RBPJ: variants seen among roughly 807,000 people sequenced by gnomAD.
RBPJ encodes recombination signal binding protein for immunoglobulin kappa J region, also known as recombining binding protein suppressor of hairless.
RBPJ carries 9 observed loss-of-function variants against 67.8 expected under a neutral mutation model. The ratio of observed to expected loss-of-function variants is 0.13; its 90% CI spans 0.08 to 0.23. RBPJ has a LOEUF of 0.23. RBPJ is among the 10% of genes least tolerant of loss of function. RBPJ has a pLI of 1.00. For synonymous variants in RBPJ, 198 were observed against 203.3 expected (o/e 0.97, Z 0.22); for missense variants, 305 against 595.6 (o/e 0.51, Z 5.08).
At chr4:26,144,298 T>C in the RBPJ span, among the ~76,000 whole-genome samples, 1 of 116,492 alleles carries the variant, frequency 8.6e-6, no homozygotes, top group Non-Finnish European at 1.6e-5. Flanking sequence ...TGAGACACAG[T>C]CTCACTCTGT....
At chr4:26,414,309 A>G (rs1194624699) in intron 3 of RBPJ, among the ~76,000 whole-genome samples, 2 of 152,052 alleles carry the variant, frequency 1.3e-5, no homozygotes, top group African/African-American at 4.8e-5. Flanking sequence ...AGCTGGGACT[A>G]TAGGCGCCTG....
chr4:26,295,875 AC>A (rs1721859239), intron 1 of RBPJ, among the ~76,000 whole-genome samples: 2 of 152,132 alleles, frequency 1.3e-5, no homozygotes, highest in Admixed American at 1.3e-4. Context: ...GCTGTAGTTA[AC>A]CCCTGGGGTG....
chr4:26,341,993 G>C (rs546840843), intron 1 of RBPJ, among the ~76,000 whole-genome samples: 1 of 152,318 alleles, frequency 6.6e-6, no homozygotes, highest in East Asian at 1.9e-4. Context: ...GCCCAAAGCA[G>C]AGTTCTCACA....
chr4:26,108,661 C>G, the RBPJ span, among the ~76,000 whole-genome samples: 5 of 152,202 alleles, frequency 3.3e-5, no homozygotes, highest in Non-Finnish European at 7.4e-5. Flanking sequence ...ATGCATAGAA[C>G]AGTGACTTAA....
chr4:26,204,967 A>G (rs1361475202), intron 1 of RBPJ, among the ~76,000 whole-genome samples: 2 of 152,174 alleles, frequency 1.3e-5, no homozygotes, highest in African/African-American at 4.8e-5. Flanking sequence ...GCAAGTGTGG[A>G]GTTGGCCACC....
chr4:26,341,412 C>T (rs1217966098), intron 1 of RBPJ, among the ~76,000 whole-genome samples: 2 of 152,050 alleles, frequency 1.3e-5, no homozygotes, highest in Non-Finnish European at 2.9e-5. Context: ...GTCAGGAGTT[C>T]GAGACCAGCC....
chr4:26,405,102 T>C (rs973953602), intron 2 of RBPJ, among the ~76,000 whole-genome samples: 2 of 152,220 alleles, frequency 1.3e-5, no homozygotes, highest in Non-Finnish European at 2.9e-5. Context: ...TAAATGCTGT[T>C]ATTAGGTTAT....
chr4:26,112,060 G>A, the RBPJ span: 1 of 153,384 alleles, frequency 6.5e-6, no homozygotes, highest in East Asian at 1.9e-4. Flanking sequence ...AGGGGCTCCG[G>A]AATATTAGAG....
intron 1 of RBPJ, among the ~76,000 whole-genome samples, chr4:26,202,966 GAAAT>G (rs1214439589): frequency 2.9e-5 from 2 of 68,826 alleles, no homozygotes; most frequent in African/African-American, 1.0e-4. Flanking sequence ...AGGAAGGAAG[GAAAT>G]AAGGAAGGAA....
chr4:26,178,414 T>G (rs1293388440), intron 1 of RBPJ, among the ~76,000 whole-genome samples: 1 of 152,086 alleles, frequency 6.6e-6, no homozygotes, highest in Admixed American at 6.6e-5. Context: ...GGTGAATTGC[T>G]TGAAGCCAGT....
At chr4:26,320,872 C>A, upstream of RBPJ, 2 of 1,576,612 alleles carry the variant, frequency 1.3e-6, no homozygotes, top group South Asian at 1.2e-5. Flanking sequence ...CGGCGCGAGG[C>A]GTCTGGCTCT....
At chr4:26,150,696 G>A in the RBPJ span, among the ~76,000 whole-genome samples, 1 of 152,142 alleles carries the variant, frequency 6.6e-6, no homozygotes, top group Admixed American at 6.5e-5. Context: ...ACATGATTAA[G>A]TCCATAGGGT....
intron 1 of RBPJ, among the ~76,000 whole-genome samples, chr4:26,214,740 G>GGGA (rs1157160923): frequency 1.5e-5 from 1 of 68,546 alleles, no homozygotes; most frequent in Non-Finnish European, 2.7e-5. Context: ...AGAGGGAAGA[G>GGGA]AGAGAGAAAG....
chr4:26,320,877 G>T, upstream of RBPJ: 4 of 1,580,174 alleles, frequency 2.5e-6, no homozygotes, highest in Non-Finnish European at 3.4e-6. Context: ...CGAGGCGTCT[G>T]GCTCTTCGCG....
intron 2 of RBPJ, among the ~76,000 whole-genome samples, chr4:26,387,222 T>C (rs1209227633): frequency 6.6e-6 from 1 of 152,136 alleles, no homozygotes; most frequent in Non-Finnish European, 1.5e-5. Context: ...TGCTATTATT[T>C]TAAAAAGCTG....
intron 1 of RBPJ, among the ~76,000 whole-genome samples, chr4:26,193,363 C>G (rs1717637315): frequency 6.6e-6 from 1 of 152,154 alleles, no homozygotes; most frequent in African/African-American, 2.4e-5. Flanking sequence ...GAAGGTGCCT[C>G]TTGTCTCAGT....
chr4:26,329,978 G>C (rs1724065617), intron 1 of RBPJ, among the ~76,000 whole-genome samples: 2 of 152,106 alleles, frequency 1.3e-5, no homozygotes. Flanking sequence ...CTTTTCTGAA[G>C]TGTGGAATTT....
At chr4:26,373,089 A>T (rs1020271138) in intron 1 of RBPJ, among the ~76,000 whole-genome samples, 2 of 152,248 alleles carry the variant, frequency 1.3e-5, no homozygotes, top group African/African-American at 4.8e-5. Flanking sequence ...GTAAGTTACA[A>T]TTCAAAAGAA....
At chr4:26,373,446 T>C (rs1729365378) in intron 1 of RBPJ, among the ~76,000 whole-genome samples, 1 of 151,866 alleles carries the variant, frequency 6.6e-6, no homozygotes, top group African/African-American at 2.4e-5. Flanking sequence ...GTCTCTGTTA[T>C]TGAAAAGGAA....
Sources: gnomAD v4.1 joint callset for allele counts (sites outside exome capture counted in the v4.1 genomes callset) on GRCh38, gnomAD v4.1.1 for gene constraint, MANE v1.5 for transcripts, NCBI Gene and HGNC (gene_info 2026-07-23, HGNC 2026-07-21) for gene names.